The following RAB3C variants were observed in gnomAD, a reference collection of about 807,000 sequenced individuals.
The protein encoded by RAB3C is RAB3C, member RAS oncogene family, also known as ras-related protein Rab-3C.
RAB3C carries 17 observed loss-of-function variants against 26.4 expected under a neutral mutation model. The ratio of observed to expected loss-of-function variants is 0.64; its 90% CI spans 0.44 to 0.97. The LOEUF is 0.97. RAB3C is among the 50% of genes least tolerant of loss of function. The pLI is 0.00. For synonymous variants in RAB3C, 91 were observed against 95.9 expected, an observed-to-expected ratio of 0.95 and a Z score of 0.30; for missense variants, 242 against 281.9, an observed-to-expected ratio of 0.86 and a Z score of 1.01.
At chr5:58,612,689 G>T (rs775613444) in intron 1 of RAB3C, among the ~76,000 whole-genome samples, 4 of 151,666 alleles carry the variant, frequency 2.6e-5, no homozygotes, top group Admixed American at 1.3e-4. Flanking sequence ...ACGAGACTTT[G>T]CTGAAGTTGT....
At chr5:58,701,669 C>T (rs548228985) in intron 2 of RAB3C, among the ~76,000 whole-genome samples, 2 of 152,240 alleles carry the variant, frequency 1.3e-5, no homozygotes, top group South Asian at 2.1e-4. Context: ...ACTTCCTTGC[C>T]TTCTCCGGCA....
chr5:58,843,067 G>A (rs72762177), intron 4 of RAB3C, among the ~76,000 whole-genome samples: 1,871 of 152,218 alleles, frequency 0.012, 23 homozygotes, highest in Non-Finnish European at 0.019. Context: ...AACCATTTTC[G>A]CAACTGTAAA....
chr5:58,793,242 A>G (rs2112016729), intron 3 of RAB3C, among the ~76,000 whole-genome samples: 1 of 152,258 alleles, frequency 6.6e-6, no homozygotes, highest in East Asian at 1.9e-4. Flanking sequence ...CTCAGAGGAA[A>G]AGCTTCTCTT....
In RAB3C at chr5:58,596,563, A is replaced by G. The variant is rs1171035128; in HGVS notation, c.24+13331A>G. 4.6e-4 allele frequency among the ~76,000 whole-genome samples: 57 copies of G among 124,322 alleles called. No individual in the cohort carries two copies. In the Middle Eastern group the frequency reaches 0.019, roughly 41 times the overall value. 81.6% of individuals were successfully genotyped at this position (124,322 alleles called of 152,430 possible). A position where few individuals can be genotyped will look rare whatever the true frequency, so the allele number is the denominator to read the frequency against. The stretch of plus-strand genomic sequence containing the variant: ...TATAATACTATATAATACATATATT[A>G]TATATAAATATATAATACTATATAA... On this transcript the variant is annotated intron_variant, in intron 1 of 4. Coordinates refer to ENST00000282878, the MANE Select transcript of RAB3C (RefSeq NM_138453.4).
Position 58,851,354 on chromosome 5 carries a change from T to TC in RAB3C, c.*7dup, listed in dbSNP as rs1174950630. 6.3e-7 allele frequency: 1 copy of TC among 1,590,570 alleles called. No individual in the cohort carries two copies. Among genetic ancestry groups the TC allele is most frequent in the South Asian group, 1.2e-5 (1 of 86,304 alleles). ...CGCAGCCCAACTGTGCCTGCTAGTG[T>TC]CCCCGTGCACACAGGCAGCTCCAGG... On this transcript the variant is annotated 3_prime_UTR_variant, in exon 5 of 5. Transcript: ENST00000282878.
At chr5:58,678,203 A>G (rs1748269131) in intron 2 of RAB3C, among the ~76,000 whole-genome samples, 1 of 152,098 alleles carries the variant, frequency 6.6e-6, no homozygotes, top group South Asian at 2.1e-4. Flanking sequence ...ATTCCTAAGT[A>G]TTTTTCATAT....
chr5:58,588,375 T>C (rs1262616266), intron 1 of RAB3C, among the ~76,000 whole-genome samples: 2 of 152,178 alleles, frequency 1.3e-5, no homozygotes, highest in Non-Finnish European at 2.9e-5. Flanking sequence ...GTAATGTCAG[T>C]GGTCTTTTTA....
At chr5:58,766,375 C>T (rs1741906469) in intron 3 of RAB3C, among the ~76,000 whole-genome samples, 1 of 152,074 alleles carries the variant, frequency 6.6e-6, no homozygotes, top group South Asian at 2.1e-4. Flanking sequence ...CTCGGCCCCC[C>T]AAAGTGCTGG....
Position 58,670,849 on chromosome 5 carries a change from G to T in RAB3C, c.252+52979G>T, listed in dbSNP as rs562060880. 2.0e-5 allele frequency among the ~76,000 whole-genome samples: 3 copies of T among 152,164 alleles called. 1 individual carries two copies. Among genetic ancestry groups the T allele is most frequent in the South Asian group, 4.2e-4 (2 of 4,818 alleles). On this transcript the variant is annotated intron_variant, in intron 2 of 4. Transcript: ENST00000282878. ...TCATTTCCACTATTGACTCAGACTT[G>T]CCCTTATTTATGACTTACAGAGCTC... is the stretch of plus-strand genomic sequence containing the variant.
chr5:58,604,829 A>G (rs986048367), intron 1 of RAB3C, among the ~76,000 whole-genome samples: 4 of 152,140 alleles, frequency 2.6e-5, no homozygotes, highest in African/African-American at 9.7e-5. Flanking sequence ...CTGGCCAGGA[A>G]GATTTTTGCC....
At chr5:58,683,152 C>A (rs1174013814) in intron 2 of RAB3C, among the ~76,000 whole-genome samples, 1 of 152,076 alleles carries the variant, frequency 6.6e-6, no homozygotes, top group African/African-American at 2.4e-5. Context: ...TTTTATGACC[C>A]AAATATTGAA....
chr5:58,758,750 A>G (rs1741729961), intron 3 of RAB3C, among the ~76,000 whole-genome samples: 1 of 152,258 alleles, frequency 6.6e-6, no homozygotes, highest in Admixed American at 6.5e-5. Flanking sequence ...CCAAAGTAAC[A>G]TAGAGGCCAG....
At chr5:58,813,225 T>C (rs1346641797) in intron 3 of RAB3C, among the ~76,000 whole-genome samples, 1 of 152,202 alleles carries the variant, frequency 6.6e-6, no homozygotes, top group Admixed American at 6.5e-5. Context: ...ATTTCTTTAT[T>C]GTTATATGTC....
At chr5:58,752,063 CAA>C (rs11320445) in intron 3 of RAB3C, among the ~76,000 whole-genome samples, 3 of 140,454 alleles carry the variant, frequency 2.1e-5, no homozygotes, top group African/African-American at 7.6e-5. Context: ...TACAGAGATG[CAA>C]AAAAAAATTA....
chr5:58,779,254 T>C (rs1271109975), intron 3 of RAB3C, among the ~76,000 whole-genome samples: 1 of 151,802 alleles, frequency 6.6e-6, no homozygotes, highest in East Asian at 1.9e-4. Flanking sequence ...GCTCTAAGTA[T>C]CTGTAACAAC....
chr5:58,780,390 G>A (rs1251161590), intron 3 of RAB3C, among the ~76,000 whole-genome samples: 6 of 152,054 alleles, frequency 3.9e-5, no homozygotes, highest in African/African-American at 7.2e-5. Context: ...GAGTGGCCCG[G>A]GGCTTAATAG....
chr5:58,725,652 A>G (rs1740873344), intron 2 of RAB3C, among the ~76,000 whole-genome samples: 1 of 151,918 alleles, frequency 6.6e-6, no homozygotes, highest in Admixed American at 6.6e-5. Flanking sequence ...TATAATTTAC[A>G]ATAATCGATT....
At chr5:58,675,585 C>T (rs1748205896) in intron 2 of RAB3C, among the ~76,000 whole-genome samples, 1 of 149,132 alleles carries the variant, frequency 6.7e-6, no homozygotes, top group African/African-American at 2.5e-5. Flanking sequence ...CCCAACACAG[C>T]GTCAGCATCT....
intron 2 of RAB3C, 127 bp downstream of exon 2, chr5:58,617,997 C>T (rs901764584): frequency 6.4e-6 from 4 of 628,628 alleles, no homozygotes; most frequent in Non-Finnish European, 1.1e-5. Context: ...AGCTTCTTTG[C>T]TGCAGAACAT....
Sources: gnomAD v4.1 joint callset for allele counts (sites outside exome capture counted in the v4.1 genomes callset) on GRCh38, gnomAD v4.1.1 for gene constraint, MANE v1.5 for transcripts, NCBI Gene and HGNC (gene_info 2026-07-23, HGNC 2026-07-21) for gene names.